Variants in ASAP2 observed in about 807,000 individuals in gnomAD.
ASAP2 encodes ArfGAP with SH3 domain, ankyrin repeat and PH domain 2.
A neutral mutation model predicts 131.4 loss-of-function variants in ASAP2; 45 were observed. That is an observed-to-expected ratio of 0.34 (90% CI 0.27 to 0.44). ASAP2 has a LOEUF of 0.44. Among genes scored for constraint, ASAP2 ranks in the 20% least tolerant of loss-of-function variants. ASAP2 has a pLI of 1.00. For synonymous variants in ASAP2, 510 were observed against 503.0 expected, an observed-to-expected ratio of 1.01 and a Z score of -0.19; for missense variants, 1,011 against 1,297.0, an observed-to-expected ratio of 0.78 and a Z score of 3.39.
At chr2:9,258,483 A>AT (rs1665334673) in intron 1 of ASAP2, among the ~76,000 whole-genome samples, 1 of 152,124 alleles carries the variant, frequency 6.6e-6, no homozygotes, top group Non-Finnish European at 1.5e-5. Flanking sequence ...CTTTCATAGA[A>AT]TTTTGTATCT....
In ASAP2 at chr2:9,209,775, G is replaced by A. The variant is rs552278780; in HGVS notation, c.126+2545G>A. ...GTAGAGATGGGGTTTCACCATGTTGGTCAGGCTGGTCTCGAACTCCTGACC... is the reference window on the plus strand; with the variant it reads ...GTAGAGATGGGGTTTCACCATGTTGATCAGGCTGGTCTCGAACTCCTGACC... On this transcript the variant is annotated intron_variant, in intron 1 of 27. Coordinates refer to ENST00000281419, the MANE Select transcript of ASAP2 (RefSeq NM_003887.3). Among the ~76,000 whole-genome samples the A allele has an allele frequency of 3.3e-5, 5 of 152,232 alleles. 1 individual carries two copies. Among genetic ancestry groups the A allele is most frequent in the South Asian group, 2.1e-4 (1 of 4,824 alleles).
At chr2:9,226,502 C>T (rs1662779389) in intron 1 of ASAP2, among the ~76,000 whole-genome samples, 1 of 152,202 alleles carries the variant, frequency 6.6e-6, no homozygotes, top group Non-Finnish European at 1.5e-5. Context: ...TCAAGGGCAC[C>T]TTCCAGCTTG....
intron 3 of ASAP2, among the ~76,000 whole-genome samples, chr2:9,303,811 G>A (rs561873097): frequency 3.3e-4 from 51 of 152,324 alleles, no homozygotes; most frequent in Non-Finnish European, 6.2e-4. Context: ...TCTTTTTGGG[G>A]TTGGGAGGGA....
At chr2:9,240,112 TAAATA>T (rs1402614213) in intron 1 of ASAP2, among the ~76,000 whole-genome samples, 1 of 152,100 alleles carries the variant, frequency 6.6e-6, no homozygotes, top group Non-Finnish European at 1.5e-5. Flanking sequence ...CAGACTTATC[TAAATA>T]CTGAAGCCCC....
chr2:9,273,407 T>C (rs186242831), intron 1 of ASAP2, among the ~76,000 whole-genome samples: 9 of 152,374 alleles, frequency 5.9e-5, no homozygotes, highest in Admixed American at 5.9e-4. Flanking sequence ...CCTGCAACTT[T>C]ACTGAATTTA....
intron 5 of ASAP2, 144 bp from the exon 6 acceptor site, chr2:9,322,977 T>G: frequency 1.1e-6 from 1 of 950,330 alleles, no homozygotes. Context: ...CCCATTTTCC[T>G]TTTGAGGGAG....
chr2:9,338,633 C>T (rs905145948), intron 9 of ASAP2, among the ~76,000 whole-genome samples: 2 of 152,212 alleles, frequency 1.3e-5, no homozygotes, highest in South Asian at 2.1e-4. Context: ...CATCCAGCTA[C>T]CCTTTCTTCC....
intron 3 of ASAP2, among the ~76,000 whole-genome samples, chr2:9,318,296 T>C (rs1391166105): frequency 6.6e-6 from 1 of 152,240 alleles, no homozygotes; most frequent in East Asian, 1.9e-4. Flanking sequence ...AATATAAGAT[T>C]GTTACTGTGA....
intron 1 of ASAP2, among the ~76,000 whole-genome samples, chr2:9,247,673 A>G (rs1462400264): frequency 6.6e-6 from 1 of 152,218 alleles, no homozygotes; most frequent in East Asian, 1.9e-4. Context: ...TCATTAATTA[A>G]GTGAAACAGC....
chr2:9,354,922 A>G (rs1672599785), intron 12 of ASAP2, among the ~76,000 whole-genome samples: 1 of 152,222 alleles, frequency 6.6e-6, no homozygotes, highest in Non-Finnish European at 1.5e-5. Flanking sequence ...GGTACTTGTC[A>G]TCATTCTGCC....
intron 2 of ASAP2, among the ~76,000 whole-genome samples, chr2:9,293,839 G>A (rs1005164201): frequency 2.0e-5 from 3 of 152,200 alleles, no homozygotes; most frequent in Non-Finnish European, 4.4e-5. Flanking sequence ...AACTGGTACA[G>A]TGTGAGCATC....
At position 9,207,705 on chromosome 2, in the gene ASAP2, G is replaced by A. The variant is rs1661224812; in HGVS notation, c.126+475G>A. 6.6e-6 allele frequency among the ~76,000 whole-genome samples: 1 copy of A among 151,964 alleles called. No homozygotes were observed. The highest frequency in any genetic ancestry group is 6.6e-5 in the Admixed American group (1 of 15,264). Reference sequence around the variant, plus strand: ...CCCCCACCCTCGGGTCCGCGGGTCCGGGGCATCCCGGGCTGCCCGGGAAGG... The same window carrying A: ...CCCCCACCCTCGGGTCCGCGGGTCCAGGGCATCCCGGGCTGCCCGGGAAGG... On this transcript the variant is annotated intron_variant, in intron 1 of 27. Transcript: ENST00000281419. The surrounding 1 kb of genome is among the most constrained non-coding windows in gnomAD (Gnocchi z 4.1).
In ASAP2 at chr2:9,335,117, A is replaced by C. The variant is rs371859515; in HGVS notation, c.787A>C (p.Arg263=). Residue 263 remains arginine, a synonymous_variant, in exon 9 of 28, where the codon AGA becomes CGA. Coordinates refer to ENST00000281419, the MANE Select transcript of ASAP2 (RefSeq NM_003887.3). Reference sequence around the variant, plus strand: ...GATCAAACAGGCCCAGGATGAAGAAAGAAGGCAGTTGATACAGCTTCGAGA... The same window carrying C: ...GATCAAACAGGCCCAGGATGAAGAACGAAGGCAGTTGATACAGCTTCGAGA... The part of the protein sequence containing the change: ...HTIKQAQDEE[R]RQLIQLRDIL... 22 of 1,614,080 alleles carry C rather than the reference A, an allele frequency of 1.4e-5. No homozygotes were observed. The highest frequency in any genetic ancestry group is 1.8e-5 in the Non-Finnish European group (21 of 1,180,038).
chr2:9,229,070 G>T (rs775533674), intron 1 of ASAP2, among the ~76,000 whole-genome samples: 9 of 152,090 alleles, frequency 5.9e-5, no homozygotes, highest in Admixed American at 1.3e-4. Context: ...GCGGAAAGTG[G>T]ACAATCAGGA....
intron 3 of ASAP2, among the ~76,000 whole-genome samples, chr2:9,314,208 TC>T (rs1432457322): frequency 6.6e-6 from 1 of 152,152 alleles, no homozygotes; most frequent in African/African-American, 2.4e-5. Flanking sequence ...GGTCTCGAAC[TC>T]CTGACCTCAG....
At chr2:9,260,607 G>A (rs1211985379) in intron 1 of ASAP2, among the ~76,000 whole-genome samples, 1 of 152,092 alleles carries the variant, frequency 6.6e-6, no homozygotes, top group African/African-American at 2.4e-5. Flanking sequence ...GCATACAGAG[G>A]TTGGCTTTGT....
chr2:9,357,465 C>T (rs947415951), intron 14 of ASAP2, among the ~76,000 whole-genome samples: 6 of 151,978 alleles, frequency 3.9e-5, no homozygotes, highest in Admixed American at 1.3e-4. Context: ...GGCAACAGAA[C>T]GAGACTGTAT....
intron 19 of ASAP2, among the ~76,000 whole-genome samples, chr2:9,380,054 A>G (rs1040178393): frequency 1.3e-5 from 2 of 152,104 alleles, no homozygotes; most frequent in African/African-American, 4.8e-5. Flanking sequence ...GAGAAGGTTT[A>G]AAAGTTTGTT....
At chr2:9,272,509 G>T (rs1346362424) in intron 1 of ASAP2, among the ~76,000 whole-genome samples, 1 of 152,184 alleles carries the variant, frequency 6.6e-6, no homozygotes, top group African/African-American at 2.4e-5. Context: ...TTTGTGGGTT[G>T]TCTCTTCACT....
Sources: gnomAD v4.1 joint callset for allele counts (sites outside exome capture counted in the v4.1 genomes callset) on GRCh38, gnomAD v4.1.1 for gene constraint, Gnocchi (gnomAD v3.1) non-coding constraint, MANE v1.5 for transcripts, NCBI Gene and HGNC (gene_info 2026-07-23, HGNC 2026-07-21) for gene names.